PKD2: variants seen among roughly 807,000 people sequenced by gnomAD.
PKD2 encodes the protein polycystin 2, transient receptor potential cation channel, also known as polycystin-2.
PKD2 carries 48 observed loss-of-function variants against 105.9 expected under a neutral mutation model. The observed-to-expected ratio is 0.45, with a 90% confidence interval of 0.36 to 0.58. The LOEUF (loss-of-function observed/expected upper bound fraction) is 0.58, where lower values mean the gene tolerates loss of function less well. PKD2 is among the 20% of genes least tolerant of loss of function. PKD2 has a pLI of 0.00. For missense variants in PKD2, 1,078 were observed against 1,255.3 expected, an observed-to-expected ratio of 0.86 and a Z score of 2.13; for synonymous variants, 464 against 481.1, an observed-to-expected ratio of 0.96 and a Z score of 0.46.
chr4:88,063,815 AG>A (rs1720675219), intron 10 of PKD2, among the ~76,000 whole-genome samples: 1 of 152,214 alleles, frequency 6.6e-6, no homozygotes, highest in South Asian at 2.1e-4. Context: ...CTTCACATTA[AG>A]GGAAGTCTTA....
chr4:88,069,360 TC>T (rs1720926637), intron 13 of PKD2, among the ~76,000 whole-genome samples: 1 of 152,118 alleles, frequency 6.6e-6, no homozygotes, highest in African/African-American at 2.4e-5. Flanking sequence ...TTTTTTTTGT[TC>T]CTCTTTCACT....
chr4:88,065,290 A>T, intron 10 of PKD2, 84 bp from the exon 11 acceptor site: 1 of 1,190,566 alleles, frequency 8.4e-7, no homozygotes, highest in Non-Finnish European at 1.3e-6. Flanking sequence ...GGTTTGTAGT[A>T]GTTACTACTG....
intron 2 of PKD2, among the ~76,000 whole-genome samples, chr4:88,023,578 A>G (rs1202581819): frequency 6.6e-6 from 1 of 152,200 alleles, no homozygotes; most frequent in Non-Finnish European, 1.5e-5. Context: ...TTTTTTTTGC[A>G]TCAGACAGAC....
intron 13 of PKD2, among the ~76,000 whole-genome samples, chr4:88,069,784 C>G (rs1017450620): frequency 6.6e-6 from 1 of 152,080 alleles, no homozygotes; most frequent in African/African-American, 2.4e-5. Context: ...TCTTCTTTTG[C>G]TCCTCTGGAT....
At chr4:88,031,644 ATATATC>A (rs1273359407) in intron 2 of PKD2, among the ~76,000 whole-genome samples, 1 of 152,214 alleles carries the variant, frequency 6.6e-6, no homozygotes, top group African/African-American at 2.4e-5. Flanking sequence ...TAACAGATAT[ATATATC>A]TATGTCAAGT....
chr4:88,058,659 T>C (rs1720450861), intron 9 of PKD2, among the ~76,000 whole-genome samples: 1 of 152,166 alleles, frequency 6.6e-6, no homozygotes, highest in African/African-American at 2.4e-5. Context: ...ATTATTTATA[T>C]CCCATTCATC....
chr4:88,008,377 G>GCGCCGGCCGGGGCCAT (rs1267877253), intron 1 of PKD2, 49 bp downstream of exon 1: 2 of 1,482,764 alleles, frequency 1.3e-6, no homozygotes, highest in South Asian at 1.3e-5. Context: ...AGAACGGCCG[G>GCGCCGGCCGGGGCCAT]CGCCGGCCGG....
intron 7 of PKD2, among the ~76,000 whole-genome samples, chr4:88,053,388 C>T (rs540209523): frequency 1.3e-5 from 2 of 152,292 alleles, no homozygotes; most frequent in African/African-American, 4.8e-5. Context: ...GGACCAGGCG[C>T]AGTGGCTCAT....
chr4:88,058,974 T>C (rs1378374438), intron 9 of PKD2, among the ~76,000 whole-genome samples: 1 of 152,172 alleles, frequency 6.6e-6, no homozygotes, highest in African/African-American at 2.4e-5. Flanking sequence ...AAAATAACAT[T>C]TTTTCCATTT....
At chr4:88,075,374 C>T in intron 14 of PKD2, 84 bp from the exon 15 acceptor site, 1 of 1,007,802 alleles carries the variant, frequency 9.9e-7, no homozygotes, top group South Asian at 1.3e-5. Flanking sequence ...CCAGCCTTAC[C>T]AAACTACAGA....
At position 88,056,114 on chromosome 4, in the gene PKD2, C is replaced by T; in HGVS notation, c.1745C>T (p.Thr582Ile). ...KLFKFINFNR[T>I]MSQLSTTMSR... The stretch of plus-strand genomic sequence containing the variant: ...TTCAAATTCATCAATTTTAACAGGA[C>T]CATGAGCCAGCTCTCGACAACCATG... Residue 582 changes from threonine (T) to isoleucine (I), a missense_variant, in exon 8 of 15, where the codon ACC (threonine) becomes ATC (isoleucine). Physicochemically the swap from Thr to Ile is moderately conservative, Grantham distance 89. Transcript: ENST00000237596. The T allele has an allele frequency of 6.2e-7, 1 of 1,613,228 alleles. No individual in the cohort carries two copies. Among genetic ancestry groups the T allele is most frequent in the East Asian group, 2.2e-5 (1 of 44,876 alleles).
chr4:88,008,247 G>T lies in PKD2; in HGVS notation c.514G>T (p.Asp172Tyr), dbSNP rs886059698. Residue 172 changes from aspartate to tyrosine, a missense_variant, in exon 1 of 15, where the codon GAC becomes TAC. Around this residue, in one of 2 missense-constraint regions of PKD2, gnomAD observed 868 missense variants for 1,067.3 expected, o/e 0.81. Coordinates refer to ENST00000237596, the MANE Select transcript of PKD2 (RefSeq NM_000297.4). ...PPCPSPVGGG[D>Y]PLHRHLPLEG... Reference sequence around the variant, plus strand: ...GTGCCCCAGCCCAGTCGGCGGCGGGGACCCGCTGCATCGCCACCTCCCCCT... The same window carrying T: ...GTGCCCCAGCCCAGTCGGCGGCGGGTACCCGCTGCATCGCCACCTCCCCCT... 1.9e-5 allele frequency: 28 copies of T among 1,459,004 alleles called. 1 individual carries two copies. The highest frequency in any genetic ancestry group is 2.5e-5 in the Non-Finnish European group (28 of 1,109,940). 90.4% of individuals were successfully genotyped at this position (1,459,004 alleles called of 1,614,324 possible). A position where few individuals can be genotyped will look rare whatever the true frequency, so the allele number is the denominator to read the frequency against.
intron 2 of PKD2, among the ~76,000 whole-genome samples, chr4:88,031,262 G>C (rs374941334): frequency 6.6e-6 from 1 of 152,168 alleles, no homozygotes; most frequent in East Asian, 1.9e-4. Flanking sequence ...CATTCAGTAG[G>C]TTAGGTATAT....
Position 88,036,760 on chromosome 4 carries a change from A to G in PKD2, c.843+407A>G, listed in dbSNP as rs75871052. On this transcript the variant is annotated intron_variant, in intron 3 of 14. Transcript: ENST00000237596. ...TTCATCCTAGTTTGTAATTCATTCC[A>G]TGAGTCAAGATTCAATAAATATTTA... 9.2e-3 allele frequency among the ~76,000 whole-genome samples: 1,395 copies of G among 152,312 alleles called. 18 individuals are homozygous for G. Among genetic ancestry groups the G allele is most frequent in the African/African-American group, 0.032 (1,331 of 41,550 alleles).
In PKD2 at chr4:88,077,631, C is replaced by T. The variant is rs550099411; in HGVS notation, c.*1937C>T. 1 of 152,402 alleles carries T rather than the reference C, an allele frequency of 6.6e-6. No homozygotes were observed. The highest frequency in any genetic ancestry group is 2.4e-5 in the African/African-American group (1 of 41,550). 9.4% of individuals were successfully genotyped at this position (152,402 alleles called of 1,614,324 possible). Reference sequence around the variant, plus strand: ...TCTTCTTTAGTCATGGAGAACTCCCCCCCTCATCTCTTCCCTATTATCTTT... The same window carrying T: ...TCTTCTTTAGTCATGGAGAACTCCCTCCCTCATCTCTTCCCTATTATCTTT... On this transcript the variant is annotated 3_prime_UTR_variant, in exon 15 of 15. Transcript: ENST00000237596.
intron 12 of PKD2, among the ~76,000 whole-genome samples, chr4:88,067,356 CTTTA>C (rs1381782631): frequency 6.6e-6 from 1 of 152,110 alleles, no homozygotes; most frequent in Non-Finnish European, 1.5e-5. Context: ...TTCTTCATTT[CTTTA>C]TTTATTTTAT....
intron 1 of PKD2, 44 bp from the exon 2 acceptor site, chr4:88,019,414 T>G (rs1726671594): frequency 2.0e-6 from 2 of 1,021,954 alleles, no homozygotes; most frequent in South Asian, 2.7e-5. Flanking sequence ...TGAGATTTCT[T>G]AAATAAAATG....
intron 2 of PKD2, among the ~76,000 whole-genome samples, chr4:88,033,090 G>C (rs1319588416): frequency 6.6e-6 from 1 of 152,108 alleles, no homozygotes; most frequent in Non-Finnish European, 1.5e-5. Context: ...ACTTTCCTGG[G>C]ACCTGGCACA....
intron 13 of PKD2, among the ~76,000 whole-genome samples, chr4:88,068,418 C>T (rs1232826511): frequency 1.3e-5 from 2 of 151,320 alleles, no homozygotes; most frequent in East Asian, 3.9e-4. Context: ...TACAGAGAGC[C>T]GAGATGGCTC....
Sources: allele counts gnomAD v4.1 joint callset (sites outside exome capture counted in the v4.1 genomes callset), GRCh38; gene constraint gnomAD v4.1.1; regional missense constraint gnomAD v4.1.1; transcripts MANE v1.5; gene names NCBI Gene and HGNC (gene_info 2026-07-23, HGNC 2026-07-21).